Variants in DSCAM observed in about 807,000 individuals in gnomAD.
DSCAM encodes DS cell adhesion molecule.
Under a neutral mutation model 217.7 loss-of-function variants are expected in DSCAM, and 47 were observed. The observed-to-expected ratio is 0.22, with a 90% CI of 0.17 to 0.28. The LOEUF is 0.28. Among genes scored for constraint, DSCAM ranks in the 10% least tolerant of loss-of-function variants. The pLI, the probability that DSCAM is intolerant of heterozygous loss-of-function variation, is 1.00. For synonymous variants in DSCAM, 1,056 were observed against 1,015.3 expected, an observed-to-expected ratio of 1.04 and a Z score of -0.76; for missense variants, 2,080 against 2,618.3, an observed-to-expected ratio of 0.79 and a Z score of 4.49.
intron 1 of DSCAM, among the ~76,000 whole-genome samples, chr21:40,739,914 T>C (rs535788555): frequency 6.7e-6 from 1 of 148,444 alleles, no homozygotes; most frequent in African/African-American, 2.5e-5. Context: ...CAAGTGGAAA[T>C]GTCCATTGGG....
At chr21:40,546,821 G>A (rs1475095831) in intron 3 of DSCAM, among the ~76,000 whole-genome samples, 1 of 152,116 alleles carries the variant, frequency 6.6e-6, no homozygotes, top group East Asian at 1.9e-4. Flanking sequence ...TAGAAAAAGA[G>A]AAGCTCAGGT....
chr21:40,316,266 G>C (rs2074195791), intron 8 of DSCAM, among the ~76,000 whole-genome samples: 2 of 152,136 alleles, frequency 1.3e-5, no homozygotes, highest in South Asian at 4.2e-4. Flanking sequence ...GACACATTAG[G>C]TCAGTATGCA....
intron 26 of DSCAM, among the ~76,000 whole-genome samples, chr21:40,078,128 A>G (rs780421004): frequency 1.3e-5 from 2 of 152,324 alleles, no homozygotes; most frequent in Non-Finnish European, 2.9e-5. Context: ...TAGTTTTTGG[A>G]AAGTAAATGC....
At chr21:40,810,430 G>A (rs770523955) in intron 1 of DSCAM, among the ~76,000 whole-genome samples, 54 of 152,196 alleles carry the variant, frequency 3.5e-4, no homozygotes, top group Non-Finnish European at 7.1e-4. Flanking sequence ...AGTAGGTCCC[G>A]AGTCTGTTCC....
At chr21:40,503,937 T>C (rs4818139) in intron 3 of DSCAM, among the ~76,000 whole-genome samples, 11,942 of 152,266 alleles carry the variant, frequency 0.078, 633 homozygotes, top group Middle Eastern at 0.15. Context: ...TAGTTGGTCA[T>C]TTCTGCTAGT....
In DSCAM at chr21:40,589,299, C is replaced by G. The variant is rs952329441; in HGVS notation, c.508+103511G>C. On this transcript the variant is annotated intron_variant, in intron 3 of 32. Transcript: ENST00000400454. ...AATAATAAAAACTAATAAATTAGTT[C>G]GGGCACAGTGGCTCATGCCTGTAAT... Among the ~76,000 whole-genome samples, 4 of 152,274 alleles carry G rather than the reference C, an allele frequency of 2.6e-5. No homozygotes were observed. In the East Asian group the frequency reaches 7.7e-4, roughly 29 times the overall value.
chr21:40,135,532 G>A (rs2146694490), intron 18 of DSCAM, among the ~76,000 whole-genome samples: 1 of 152,326 alleles, frequency 6.6e-6, no homozygotes, highest in Non-Finnish European at 1.5e-5. Flanking sequence ...GTCGCTCTGG[G>A]AAAAAGCAGA....
chr21:40,335,490 T>C (rs555037157), intron 8 of DSCAM, among the ~76,000 whole-genome samples: 96 of 152,306 alleles, frequency 6.3e-4, no homozygotes, highest in Non-Finnish European at 1.0e-3. Flanking sequence ...TCATTTATAC[T>C]GATCTGGCAA....
intron 32 of DSCAM, among the ~76,000 whole-genome samples, chr21:40,033,489 C>T (rs918535611): frequency 1.3e-5 from 2 of 152,022 alleles, no homozygotes; most frequent in African/African-American, 4.8e-5. Flanking sequence ...CGGCGCACCA[C>T]GAGACTATAT....
Position 40,084,501 on chromosome 21 carries a change from AACACACACACACAC to A in DSCAM, c.4133-509_4133-496del, listed in dbSNP as rs145863686. ...TTTCTAAGCTATTGCTCCAAGATGC[AACACACACACACAC>A]ACACACACACACACACACACACACA... On this transcript the variant is annotated intron_variant, in intron 23 of 32. Coordinates refer to ENST00000400454, the MANE Select transcript of DSCAM (RefSeq NM_001389.5). Among the ~76,000 whole-genome samples, 470 of 137,776 alleles carry A rather than the reference AACACACACACACAC, an allele frequency of 3.4e-3. 2 individuals carry two copies. The highest frequency in any genetic ancestry group is 0.017 in the East Asian group (74 of 4,328). 90.4% of individuals were successfully genotyped at this position (137,776 alleles called of 152,430 possible).
chr21:40,516,416 C>T (rs542571343), intron 3 of DSCAM, among the ~76,000 whole-genome samples: 12 of 152,264 alleles, frequency 7.9e-5, no homozygotes, highest in African/African-American at 2.9e-4. Context: ...TCCCCCAAAA[C>T]ACTGGCAGTT....
chr21:40,403,069 A>T (rs2075251487), intron 3 of DSCAM, among the ~76,000 whole-genome samples: 1 of 152,152 alleles, frequency 6.6e-6, no homozygotes, highest in African/African-American at 2.4e-5. Context: ...TTCCAATAAC[A>T]TGCCAACCTT....
At chr21:40,689,569 G>A (rs2090517735) in intron 3 of DSCAM, among the ~76,000 whole-genome samples, 1 of 152,192 alleles carries the variant, frequency 6.6e-6, no homozygotes, top group Non-Finnish European at 1.5e-5. Flanking sequence ...TACTTACACA[G>A]GCTTATTTCC....
At chr21:40,655,772 C>A (rs1278688135) in intron 3 of DSCAM, among the ~76,000 whole-genome samples, 1 of 152,032 alleles carries the variant, frequency 6.6e-6, no homozygotes, top group African/African-American at 2.4e-5. Context: ...ACCACTAATC[C>A]ACCTGGCATG....
chr21:40,110,192 C>T (rs914818214), intron 20 of DSCAM, among the ~76,000 whole-genome samples: 29 of 152,174 alleles, frequency 1.9e-4, no homozygotes, highest in Non-Finnish European at 3.8e-4. Context: ...ACACCTCACA[C>T]GGCCAGGTAC....
chr21:40,335,143 C>T (rs2074417082), intron 8 of DSCAM, among the ~76,000 whole-genome samples: 1 of 152,114 alleles, frequency 6.6e-6, no homozygotes, highest in African/African-American at 2.4e-5. Context: ...CATCTTTGCT[C>T]AAAATCTCAC....
intron 1 of DSCAM, among the ~76,000 whole-genome samples, chr21:40,734,590 G>C (rs1033400186): frequency 3.9e-5 from 6 of 152,128 alleles, no homozygotes; most frequent in African/African-American, 1.4e-4. Flanking sequence ...GCCTCAATCT[G>C]CTTCTTCGAA....
chr21:40,708,605 G>A lies in DSCAM; in HGVS notation c.210C>T (p.Pro70=), dbSNP rs147347671. Residue 70 remains proline (P), a synonymous_variant, in exon 2 of 33, where the codon CCC becomes CCT. Coordinates refer to ENST00000400454, the MANE Select transcript of DSCAM (RefSeq NM_001389.5). ...LATGEEIYDV[P]GIRHVHPNGT... is the part of the protein sequence containing the mutation. ...CGTTGGGGTGGACGTGGCGGATCCC[G>A]GGGACATCGTAGATCTCCTCGCCCG... 4.8e-4 allele frequency: 768 copies of A among 1,610,600 alleles called. 2 individuals carry two copies. The African/African-American group carries it at 7.5e-3, about 16-fold the overall frequency.
intron 4 of DSCAM, among the ~76,000 whole-genome samples, chr21:40,362,418 T>C (rs1240198940): frequency 6.6e-6 from 1 of 152,236 alleles, no homozygotes; most frequent in Admixed American, 6.5e-5. Flanking sequence ...GTTGGTTAGA[T>C]AAGTGTTCAA....
Sources: gnomAD v4.1 joint callset for allele counts (sites outside exome capture counted in the v4.1 genomes callset) on GRCh38, gnomAD v4.1.1 for gene constraint, MANE v1.5 for transcripts, NCBI Gene and HGNC (gene_info 2026-07-23, HGNC 2026-07-21) for gene names.